The following ZHX3 variants were observed in gnomAD, a reference collection of about 807,000 sequenced individuals.
ZHX3 encodes the protein zinc fingers and homeoboxes protein 3.
In ZHX3, 20 loss-of-function variants were observed where a neutral mutation model predicts 64.5. The observed-to-expected ratio is 0.31, with a 90% CI of 0.22 to 0.45. The LOEUF is 0.45. Among genes scored for constraint, ZHX3 ranks in the 20% least tolerant of loss-of-function variants. The pLI is 1.00. For missense variants in ZHX3, 1,041 were observed against 1,195.8 expected (o/e 0.87, Z 1.91); for synonymous variants, 423 against 461.6 (o/e 0.92, Z 1.07).
intron 2 of ZHX3, among the ~76,000 whole-genome samples, chr20:41,244,051 TG>T (rs1405532909): frequency 1.3e-5 from 2 of 152,096 alleles, no homozygotes. Context: ...TCCTATGTGC[TG>T]GGGGGCTGTC....
intron 3 of ZHX3, among the ~76,000 whole-genome samples, chr20:41,190,216 C>T (rs2036894242): frequency 6.6e-6 from 1 of 152,002 alleles, no homozygotes; most frequent in Admixed American, 6.6e-5. Flanking sequence ...ATCTTGTAGC[C>T]CAGGTGGAAG....
At chr20:41,220,806 G>A (rs749576086) in intron 2 of ZHX3, among the ~76,000 whole-genome samples, 63 of 151,748 alleles carry the variant, frequency 4.2e-4, no homozygotes, top group Non-Finnish European at 8.1e-4. Flanking sequence ...TGATCCTCCC[G>A]CTTCAGCCTC....
At chr20:41,227,478 C>T (rs1358089826) in intron 2 of ZHX3, among the ~76,000 whole-genome samples, 1 of 152,174 alleles carries the variant, frequency 6.6e-6, no homozygotes, top group African/African-American at 2.4e-5. Flanking sequence ...AGCCTTCCTC[C>T]TGCAATATGT....
At chr20:41,284,723 G>A (rs1026465268) in intron 1 of ZHX3, among the ~76,000 whole-genome samples, 10 of 151,904 alleles carry the variant, frequency 6.6e-5, no homozygotes, top group African/African-American at 1.5e-4. Context: ...GAAAGTTTTC[G>A]GGAGCCCTTC....
chr20:41,231,996 C>T (rs7261917), intron 2 of ZHX3, among the ~76,000 whole-genome samples: 20,934 of 152,104 alleles, frequency 0.14, 1,665 homozygotes, highest in Non-Finnish European at 0.17. Context: ...ATGGTTAAAA[C>T]AACCACATTC....
chr20:41,259,598 A>AT (rs1486859561), intron 2 of ZHX3, among the ~76,000 whole-genome samples: 1 of 152,182 alleles, frequency 6.6e-6, no homozygotes, highest in Non-Finnish European at 1.5e-5. Flanking sequence ...AAATGAAAAC[A>AT]TTTCAGGACT....
chr20:41,256,532 A>G (rs756711010), intron 2 of ZHX3, among the ~76,000 whole-genome samples: 2 of 151,564 alleles, frequency 1.3e-5, no homozygotes, highest in Non-Finnish European at 2.9e-5. Context: ...ATTTACCCAG[A>G]GCTGTCCTAT....
rs1322505760 is a variant in ZHX3, at chr20:41,179,500, G to A, written c.*5691C>T. 4 of 150,314 alleles carry A rather than the reference G, an allele frequency of 2.7e-5. No homozygotes were observed. Among genetic ancestry groups the A allele is most frequent in the African/African-American group, 7.6e-5 (3 of 39,620 alleles). 9.3% of individuals were successfully genotyped at this position (150,314 alleles called of 1,614,324 possible). On this transcript the variant is annotated 3_prime_UTR_variant, in exon 4 of 4. Coordinates refer to ENST00000683867, the MANE Select transcript of ZHX3 (RefSeq NM_001384317.1). The surrounding 1 kb of genome is among the most constrained non-coding windows in gnomAD (Gnocchi z 4.3). ...CCCTAAACAAATTACAGGATTCATAGGTACCATGTAGATTTTTCTTTTAAA... is the reference window on the plus strand; with the variant it reads ...CCCTAAACAAATTACAGGATTCATAAGTACCATGTAGATTTTTCTTTTAAA...
chr20:41,280,925 A>T (rs1421228658), intron 1 of ZHX3, among the ~76,000 whole-genome samples: 1 of 152,172 alleles, frequency 6.6e-6, no homozygotes, highest in Non-Finnish European at 1.5e-5. Flanking sequence ...GAAATTACCA[A>T]AGAAATAATA....
intron 1 of ZHX3, among the ~76,000 whole-genome samples, chr20:41,276,005 A>G (rs915763539): frequency 6.6e-6 from 1 of 152,240 alleles, no homozygotes; most frequent in African/African-American, 2.4e-5. Context: ...TAAAGGCCAC[A>G]TTCTCTTTGG....
At chr20:41,309,305 T>C (rs560141721) in intron 1 of ZHX3, among the ~76,000 whole-genome samples, 1 of 152,278 alleles carries the variant, frequency 6.6e-6, no homozygotes, top group Admixed American at 6.5e-5. Context: ...GCAATAGGCT[T>C]CCAGATGCCA....
intron 1 of ZHX3, among the ~76,000 whole-genome samples, chr20:41,281,225 C>T (rs939010614): frequency 2.6e-5 from 4 of 151,348 alleles, no homozygotes; most frequent in Non-Finnish European, 5.9e-5. Flanking sequence ...AGCATAGACT[C>T]TCATATATCC....
At chr20:41,299,682 C>T (rs569274156) in intron 1 of ZHX3, among the ~76,000 whole-genome samples, 1 of 151,910 alleles carries the variant, frequency 6.6e-6, no homozygotes, top group African/African-American at 2.4e-5. Flanking sequence ...GCCAACACGG[C>T]GAAACCCTAT....
At chr20:41,268,383 C>T (rs1540908) in intron 2 of ZHX3, among the ~76,000 whole-genome samples, 88,534 of 151,990 alleles carry the variant, frequency 0.58, 27,175 homozygotes, top group East Asian at 0.82. Context: ...GTGTGCTTTG[C>T]TTTCCGTATT....
At chr20:41,197,070 G>T in intron 3 of ZHX3, 1 of 216,010 alleles carries the variant, frequency 4.6e-6, no homozygotes, top group South Asian at 8.8e-5. Context: ...TCAACACATT[G>T]ATCAGGGCTG....
chr20:41,196,409 TTA>T (rs1457291701), intron 3 of ZHX3, among the ~76,000 whole-genome samples: 8 of 52,834 alleles, frequency 1.5e-4, no homozygotes, highest in Admixed American at 3.4e-4. Context: ...ATATTATATA[TTA>T]TATATAATAT....
At chr20:41,197,941 CA>C (rs1329057050) in intron 3 of ZHX3, among the ~76,000 whole-genome samples, 1 of 150,020 alleles carries the variant, frequency 6.7e-6, no homozygotes, top group African/African-American at 2.4e-5. Flanking sequence ...AGTTATAAAC[CA>C]AAAGTACAAT....
In ZHX3 at chr20:41,204,846, C is replaced by A. The variant is rs148688892; in HGVS notation, c.71G>T (p.Ser24Ile). 19 of 1,594,336 alleles carry A rather than the reference C, an allele frequency of 1.2e-5. No individual in the cohort carries two copies. In the African/African-American group the frequency reaches 2.6e-4, roughly 21 times the overall value. Residue 24 changes from serine to isoleucine, a missense_variant, in exon 3 of 4, where the codon AGC becomes ATC. By Grantham distance (142) the Ser-to-Ile change is moderately radical. Around this residue, in one of 4 missense-constraint regions of ZHX3, gnomAD observed 358 missense variants for 369.1 expected, o/e 0.97. Coordinates refer to ENST00000683867, the MANE Select transcript of ZHX3 (RefSeq NM_001384317.1). The surrounding 1 kb of genome is among the most constrained non-coding windows in gnomAD (Gnocchi z 6.6). ...GGTCTCAGCGGGCTGGGCCTCCATG[C>A]TGGCATCTTGCAACACCACAGTCTT... ...PVKTVVLQDA[S>I]MEAQPAETLP... is the part of the protein sequence containing the mutation.
At chr20:41,267,225 T>C (rs2042906456) in intron 2 of ZHX3, among the ~76,000 whole-genome samples, 1 of 152,200 alleles carries the variant, frequency 6.6e-6, no homozygotes, top group African/African-American at 2.4e-5. Flanking sequence ...TTAGTGTAAA[T>C]ATCTAATCTG....
Sources: gnomAD v4.1 joint callset for allele counts (sites outside exome capture counted in the v4.1 genomes callset) on GRCh38, gnomAD v4.1.1 for gene constraint, gnomAD v4.1.1 regional missense constraint, Gnocchi (gnomAD v3.1) non-coding constraint, MANE v1.5 for transcripts, NCBI Gene and HGNC (gene_info 2026-07-23, HGNC 2026-07-21) for gene names.